Variants in SETD7 observed in about 807,000 individuals in gnomAD.
SETD7 encodes SET domain containing 7, histone lysine methyltransferase, also known as histone-lysine N-methyltransferase SETD7.
In SETD7, 16 loss-of-function variants were observed where a neutral mutation model predicts 41.8. The ratio of observed to expected loss-of-function variants is 0.38; its 90% CI spans 0.26 to 0.58. The LOEUF (loss-of-function observed/expected upper bound fraction) is 0.58, where lower values mean the gene tolerates loss of function less well. Ranked by LOEUF, SETD7 falls within the 20% of genes least tolerant of loss-of-function variation. The pLI, the probability that SETD7 is intolerant of heterozygous loss-of-function variation, is 0.64. For missense variants in SETD7, 346 were observed against 459.7 expected, an observed-to-expected ratio of 0.75 and a Z score of 2.26; for synonymous variants, 163 against 169.7, an observed-to-expected ratio of 0.96 and a Z score of 0.31.
chr4:139,495,937 A>C (rs1726445126), downstream of SETD7: 1 of 153,690 alleles, frequency 6.5e-6, no homozygotes, highest in Non-Finnish European at 1.4e-5. Context: ...ACCTGGGTTT[A>C]AACTTTTTTT....
At chr4:139,554,861 T>C (rs1369038093) in intron 1 of SETD7, among the ~76,000 whole-genome samples, 1 of 152,224 alleles carries the variant, frequency 6.6e-6, no homozygotes, top group East Asian at 1.9e-4. Flanking sequence ...TTTTCCCTAG[T>C]GTAACAATAA....
chr4:139,509,918 G>T lies in SETD7; in HGVS notation c.*1745C>A. On this transcript the variant is annotated 3_prime_UTR_variant, in exon 8 of 8. Coordinates refer to ENST00000274031, the MANE Select transcript of SETD7 (RefSeq NM_030648.4). ...CCAACTGGATCTCCCTGAAACCACT[G>T]CCACCTAGCTGCAAAGCATGCAACC... 1 of 982,822 alleles carries T rather than the reference G, an allele frequency of 1.0e-6. No individual in the cohort carries two copies. The highest frequency in any genetic ancestry group is 1.2e-6 in the Non-Finnish European group (1 of 827,590). The allele number at this position is 982,822 out of a possible 1,614,324, so 60.9% of individuals were successfully genotyped here.
Position 139,523,354 on chromosome 4 carries a change from C to G in SETD7, c.644G>C (p.Arg215Thr). Residue 215 changes from arginine to threonine, a missense_variant and splice_region_variant, in exon 5 of 8, where the codon AGG becomes ACG. Coordinates refer to ENST00000274031, the MANE Select transcript of SETD7 (RefSeq NM_030648.4). ...ATTAAAACCCCAAGGAGGAAATTAC[C>G]TTTCTGATTCATAAGGATCTGGAAG... ...ALLPDPYESE[R>T]VYVAESLISS... 1 of 1,608,204 alleles carries G rather than the reference C, an allele frequency of 6.2e-7. No individual in the cohort carries two copies.
intron 4 of SETD7, among the ~76,000 whole-genome samples, chr4:139,527,558 T>G (rs1045435752): frequency 1.3e-5 from 2 of 152,088 alleles, no homozygotes; most frequent in African/African-American, 4.8e-5. Context: ...ATCCTGTCCC[T>G]TAAAAAATAA....
At chr4:139,543,756 T>A (rs1260352214) in intron 2 of SETD7, among the ~76,000 whole-genome samples, 1 of 143,868 alleles carries the variant, frequency 7.0e-6, no homozygotes, top group African/African-American at 2.6e-5. Flanking sequence ...ATCAAGACCA[T>A]CCTGGCTAAC....
At chr4:139,512,205 A>G (rs569124606) in intron 7 of SETD7, among the ~76,000 whole-genome samples, 1 of 152,328 alleles carries the variant, frequency 6.6e-6, no homozygotes, top group South Asian at 2.1e-4. Context: ...GAGAAATCAG[A>G]TCCAGTGCAG....
chr4:139,549,001 A>G (rs1299993691), intron 1 of SETD7, among the ~76,000 whole-genome samples: 1 of 152,204 alleles, frequency 6.6e-6, no homozygotes, highest in Non-Finnish European at 1.5e-5. Context: ...ATTGAAATAA[A>G]TTAAATTTGC....
At chr4:139,514,661 T>C (rs1298328767) in intron 7 of SETD7, among the ~76,000 whole-genome samples, 1 of 152,208 alleles carries the variant, frequency 6.6e-6, no homozygotes, top group Non-Finnish European at 1.5e-5. Context: ...AGACAATGCA[T>C]GAAGAGCATC....
downstream of SETD7, among the ~76,000 whole-genome samples, chr4:139,493,989 C>T (rs764935552): frequency 5.9e-5 from 9 of 152,294 alleles, no homozygotes; most frequent in Non-Finnish European, 1.0e-4. Flanking sequence ...CCTGACCTCT[C>T]GTTGGCCAAA....
chr4:139,526,261 C>G (rs1439461650), intron 4 of SETD7, among the ~76,000 whole-genome samples: 1 of 150,720 alleles, frequency 6.6e-6, no homozygotes, highest in Admixed American at 6.6e-5. Context: ...CTTTAGAATT[C>G]TCACTCTCAA....
At position 139,533,214 on chromosome 4, in the gene SETD7, C is replaced by T. The variant is rs1560686208; in HGVS notation, c.323G>A (p.Gly108Glu). Residue 108 changes from glycine to glutamate, a missense_variant, in exon 3 of 8, where the codon GGG becomes GAG. By Grantham distance (98) the Gly-to-Glu change is moderately conservative (BLOSUM62 -2). Around this residue, in one of 3 missense-constraint regions of SETD7, gnomAD observed 266 missense variants for 377.0 expected, o/e 0.71. Coordinates refer to ENST00000274031, the MANE Select transcript of SETD7 (RefSeq NM_030648.4). ...YDTDGRLIFKGQYKDNIRHGV... is the reference protein window; with the variant it reads ...YDTDGRLIFKEQYKDNIRHGV... The stretch of plus-strand genomic sequence containing the variant: ...ATGACGAATGTTATCTTTATACTGC[C>T]CCTTGAAGATCAGTCTCCCATCTGT... The T allele has an allele frequency of 3.7e-6, 6 of 1,614,142 alleles. No homozygotes were observed. Among genetic ancestry groups the T allele is most frequent in the Non-Finnish European group, 5.1e-6 (6 of 1,180,022 alleles).
intron 2 of SETD7, chr4:139,546,143 T>A (rs1227667151): frequency 6.6e-6 from 1 of 152,438 alleles, no homozygotes; most frequent in African/African-American, 2.4e-5. Context: ...ATAAAAGAAA[T>A]CCTGTTGTGA....
intron 4 of SETD7, 103 bp downstream of exon 4, chr4:139,528,928 A>C (rs1479356942): frequency 2.9e-6 from 3 of 1,025,886 alleles, no homozygotes; most frequent in Non-Finnish European, 4.4e-6. Flanking sequence ...AACACGATTA[A>C]AGAGAACTAT....
rs185895302 is a variant in SETD7, at chr4:139,554,900, G to T, written c.40+1198C>A. ...TGTATCCTTATGCATTTGTAGTGTC[G>T]CCACTTTTTTTCTTTATCCTTCGTC... On this transcript the variant is annotated intron_variant, in intron 1 of 7. Coordinates refer to ENST00000274031, the MANE Select transcript of SETD7 (RefSeq NM_030648.4). Among the ~76,000 whole-genome samples, 186 of 152,100 alleles carry T rather than the reference G, an allele frequency of 1.2e-3. No individual in the cohort carries two copies. The Middle Eastern group carries it at 0.017, about 14-fold the overall frequency.
intron 2 of SETD7, among the ~76,000 whole-genome samples, chr4:139,540,567 T>G (rs1384276838): frequency 6.6e-6 from 1 of 152,244 alleles, no homozygotes; most frequent in Non-Finnish European, 1.5e-5. Flanking sequence ...TTAGCCACTC[T>G]GTGCCTTAGT....
rs576888171 is a variant in SETD7, at chr4:139,519,560, G to GT, written c.762+716dup. 1.5e-4 allele frequency among the ~76,000 whole-genome samples: 23 copies of GT among 152,344 alleles called. No homozygotes were observed. In the South Asian group the frequency reaches 4.8e-3, roughly 32 times the overall value. ...TTGCCTGTGCAACTGCTTTGAAAGT[G>GT]TAATAACTTTATTATTATTTCACAG... On this transcript the variant is annotated intron_variant, in intron 6 of 7. Transcript: ENST00000274031.
At chr4:139,551,158 T>C (rs766139791) in intron 1 of SETD7, among the ~76,000 whole-genome samples, 8 of 152,364 alleles carry the variant, frequency 5.3e-5, no homozygotes, top group African/African-American at 1.9e-4. Flanking sequence ...CTCTTCCAAG[T>C]GTTATCTAAC....
In SETD7 at chr4:139,534,712, G is replaced by A. The variant is rs60257760; in HGVS notation, c.171-1346C>T. Among the ~76,000 whole-genome samples the A allele has an allele frequency of 6.7e-3, 1,023 of 152,252 alleles. 14 individuals carry two copies. Among genetic ancestry groups the A allele is most frequent in the African/African-American group, 0.023 (956 of 41,536 alleles). On this transcript the variant is annotated intron_variant, in intron 2 of 7. Coordinates refer to ENST00000274031, the MANE Select transcript of SETD7 (RefSeq NM_030648.4). Reference sequence around the variant, plus strand: ...GTAGCAAGCATTGTGTGAGGCTCTAGAGCGGATAAGGAACAAAACAAACAC... The same window carrying A: ...GTAGCAAGCATTGTGTGAGGCTCTAAAGCGGATAAGGAACAAAACAAACAC...
downstream of SETD7, among the ~76,000 whole-genome samples, chr4:139,502,975 G>T (rs1042496699): frequency 1.3e-5 from 2 of 151,898 alleles, no homozygotes; most frequent in African/African-American, 4.8e-5. Flanking sequence ...CTGAGCTCAG[G>T]AGTTCGAGAC....
Sources: gnomAD v4.1 joint callset for allele counts (sites outside exome capture counted in the v4.1 genomes callset) on GRCh38, gnomAD v4.1.1 for gene constraint, gnomAD v4.1.1 regional missense constraint, MANE v1.5 for transcripts, NCBI Gene and HGNC (gene_info 2026-07-23, HGNC 2026-07-21) for gene names.